Variants in MAP1A observed in about 807,000 individuals in gnomAD.
MAP1A encodes the protein microtubule associated protein 1A.
MAP1A carries 42 observed loss-of-function variants against 185.9 expected under a neutral mutation model. The observed-to-expected ratio is 0.23, with a 90% CI of 0.18 to 0.29. MAP1A has a LOEUF of 0.29. Ranked by LOEUF, MAP1A falls within the 10% of genes least tolerant of loss-of-function variation. MAP1A has a pLI of 1.00. For missense variants in MAP1A, 2,995 were observed against 3,450.4 expected (o/e 0.87, Z 3.31); for synonymous variants, 1,229 against 1,335.9 (o/e 0.92, Z 1.74).
In MAP1A at chr15:43,526,657, T is replaced by C. The variant is rs868708798; in HGVS notation, c.5184T>C (p.Thr1728=). Residue 1728 remains threonine (T), a synonymous_variant, in exon 4 of 6, where the codon ACT becomes ACC. Transcript: ENST00000300231. This position sits in a 1 kb window ranked among gnomAD's most constrained non-coding sequence, Gnocchi z 4.7. The part of the protein sequence containing the change: ...RPHYTEERES[T]FLDEGPDDEQ... ...ACTACACTGAGGAACGGGAAAGCAC[T>C]TTCCTAGATGAGGGCCCAGATGATG... is the stretch of plus-strand genomic sequence containing the variant. The C allele has an allele frequency of 2.5e-6, 4 of 1,614,036 alleles. No homozygotes were observed. Among genetic ancestry groups the C allele is most frequent in the Non-Finnish European group, 1.7e-6 (2 of 1,179,980 alleles).
chr15:43,521,241 A>T lies in MAP1A; in HGVS notation c.-150-83A>T. 4 of 1,481,118 alleles carry T rather than the reference A, an allele frequency of 2.7e-6. No homozygotes were observed. Among genetic ancestry groups the T allele is most frequent in the Non-Finnish European group, 3.6e-6 (4 of 1,120,112 alleles). The allele number at this position is 1,481,118 out of a possible 1,614,324, so 91.7% of individuals were successfully genotyped here. Reference sequence around the variant, plus strand: ...AAAGGTAAGAGTCCACCTTGGAAAGAGGTGAAGATTAGGGTACTGAATCTA... The same window carrying T: ...AAAGGTAAGAGTCCACCTTGGAAAGTGGTGAAGATTAGGGTACTGAATCTA... On this transcript the variant is annotated intron_variant, in intron 3 of 5. Coordinates refer to ENST00000300231, the MANE Select transcript of MAP1A (RefSeq NM_002373.6). The surrounding 1 kb of genome is among the most constrained non-coding windows in gnomAD (Gnocchi z 4.6).
intron 1 of MAP1A, among the ~76,000 whole-genome samples, chr15:43,519,983 G>A (rs1002426040): frequency 6.6e-6 from 1 of 152,236 alleles, no homozygotes; most frequent in African/African-American, 2.4e-5. Flanking sequence ...TTGTGTGCAT[G>A]TGTATTAGTG....
chr15:43,526,511 A>G lies in MAP1A; in HGVS notation c.5038A>G (p.Asn1680Asp). The G allele has an allele frequency of 6.2e-7, 1 of 1,614,130 alleles. No individual in the cohort carries two copies. Residue 1680 changes from asparagine to aspartate, a missense_variant, in exon 4 of 6, where the codon AAT (asparagine) becomes GAT (aspartate). Physicochemically the swap from Asn to Asp is conservative, Grantham distance 23 (BLOSUM62 1). This residue lies in a region of MAP1A where 2,728 missense variants were observed against 2,986.0 expected (regional missense o/e 0.91). Transcript: ENST00000300231. The surrounding 1 kb of genome is among the most constrained non-coding windows in gnomAD (Gnocchi z 4.7). Reference sequence around the variant, plus strand: ...GGAGGACACATCTCCTGAGCAGGACAATAGGTATTGGAGGGGCAGAGAGGA... The same window carrying G: ...GGAGGACACATCTCCTGAGCAGGACGATAGGTATTGGAGGGGCAGAGAGGA... Reference protein sequence around the residue: ...AWEDTSPEQDNRYWRGREDVA... With the variant: ...AWEDTSPEQDDRYWRGREDVA...
In MAP1A at chr15:43,523,205, C is replaced by T; in HGVS notation, c.1732C>T (p.Pro578Ser). 3 of 1,614,142 alleles carry T rather than the reference C, an allele frequency of 1.9e-6. No individual in the cohort carries two copies. Among genetic ancestry groups the T allele is most frequent in the Non-Finnish European group, 2.5e-6 (3 of 1,180,014 alleles). ...AAGTACAGCTATCCAGGGAACACCACCCTCTGTTCCAGGGCTGGGACAAGA... is the reference window on the plus strand; with the variant it reads ...AAGTACAGCTATCCAGGGAACACCATCCTCTGTTCCAGGGCTGGGACAAGA... ...PPSTAIQGTP[P>S]SVPGLGQEEH... The change falls in exon 4 of 6, where the codon CCC becomes TCC. Residue 578 changes from proline to serine, a missense_variant. By Grantham distance (74) the Pro-to-Ser change is moderately conservative. Coordinates refer to ENST00000300231, the MANE Select transcript of MAP1A (RefSeq NM_002373.6).
At position 43,529,911 on chromosome 15, in the gene MAP1A, C is replaced by T. The variant is rs570382566; in HGVS notation, c.8256+41C>T. 1.9e-6 allele frequency: 3 copies of T among 1,593,326 alleles called. No homozygotes were observed. In the African/African-American group the frequency reaches 4.0e-5, roughly 21 times the overall value. ...CACCAAGGAAGTAGTCTGGTCAACG[C>T]TCACTCAGAGGCAGTAGTGGAACAC... On this transcript the variant is annotated intron_variant, in intron 5 of 5. Coordinates refer to ENST00000300231, the MANE Select transcript of MAP1A (RefSeq NM_002373.6). The surrounding 1 kb of genome is among the most constrained non-coding windows in gnomAD (Gnocchi z 4.3).
At chr15:43,520,840 T>C (rs938062850) in intron 2 of MAP1A, 117 bp downstream of exon 2, 2 of 1,305,262 alleles carry the variant, frequency 1.5e-6, no homozygotes, top group African/African-American at 1.5e-5. Context: ...AGCTGACGTA[T>C]TGTCTCCAGC....
intron 1 of MAP1A, among the ~76,000 whole-genome samples, chr15:43,519,243 T>C (rs1280312692): frequency 6.6e-6 from 1 of 152,090 alleles, no homozygotes; most frequent in African/African-American, 2.4e-5. Context: ...TTCCCTCAAT[T>C]CTCAAGTAAA....
chr15:43,525,947 C>G lies in MAP1A; in HGVS notation c.4474C>G (p.Pro1492Ala). 6.2e-7 allele frequency: 1 copy of G among 1,613,954 alleles called. No individual in the cohort carries two copies. Among genetic ancestry groups the G allele is most frequent in the Non-Finnish European group, 8.5e-7 (1 of 1,180,004 alleles). ...DRVLEQKEKIPEEKDKALDQK... is the reference protein window; with the variant it reads ...DRVLEQKEKIAEEKDKALDQK... ...GGTCCTAGAACAGAAGGAGAAGATCCCAGAAGAGAAAGACAAAGCCTTAGA... is the reference window on the plus strand; with the variant it reads ...GGTCCTAGAACAGAAGGAGAAGATCGCAGAAGAGAAAGACAAAGCCTTAGA... The change falls in exon 4 of 6, where the codon CCA (proline) becomes GCA (alanine). Residue 1492 changes from proline to alanine, a missense_variant. Around this residue, in one of 3 missense-constraint regions of MAP1A, gnomAD observed 2,728 missense variants for 2,986.0 expected, o/e 0.91. Transcript: ENST00000300231.
Position 43,521,201 on chromosome 15 carries a change from G to C in MAP1A, c.-151+89G>C. 2.0e-6 allele frequency: 3 copies of C among 1,474,316 alleles called. No homozygotes were observed. Among genetic ancestry groups the C allele is most frequent in the Non-Finnish European group, 2.7e-6 (3 of 1,115,434 alleles). 91.3% of individuals were successfully genotyped at this position (1,474,316 alleles called of 1,614,324 possible). A position where few individuals can be genotyped will look rare whatever the true frequency, so the allele number is the denominator to read the frequency against. On this transcript the variant is annotated intron_variant, in intron 3 of 5. Coordinates refer to ENST00000300231, the MANE Select transcript of MAP1A (RefSeq NM_002373.6). The surrounding 1 kb of genome is among the most constrained non-coding windows in gnomAD (Gnocchi z 4.6). Reference sequence around the variant, plus strand: ...GGAAAGTCTCATATTGCATGACCATGGGGGGCCCTGGCAGAAAGGTAAGAG... The same window carrying C: ...GGAAAGTCTCATATTGCATGACCATCGGGGGCCCTGGCAGAAAGGTAAGAG...
upstream of MAP1A, among the ~76,000 whole-genome samples, chr15:43,512,617 G>A (rs373012482): frequency 2.6e-5 from 4 of 152,274 alleles, no homozygotes; most frequent in African/African-American, 7.2e-5. Flanking sequence ...CTCTTCATTT[G>A]TGTTCCCCTT....
chr15:43,521,358 T>C lies in MAP1A; in HGVS notation c.-116T>C. 6.2e-7 allele frequency: 1 copy of C among 1,613,254 alleles called. No homozygotes were observed. Among genetic ancestry groups the C allele is most frequent in the Non-Finnish European group, 8.5e-7 (1 of 1,179,800 alleles). Reference sequence around the variant, plus strand: ...TTGCTCAGCAATAGAGACCCTGGGATACAGGCCTTCCTTACCGTGTCCTGC... The same window carrying C: ...TTGCTCAGCAATAGAGACCCTGGGACACAGGCCTTCCTTACCGTGTCCTGC... On this transcript the variant is annotated 5_prime_UTR_variant, in exon 4 of 6. Coordinates refer to ENST00000300231, the MANE Select transcript of MAP1A (RefSeq NM_002373.6). This position sits in a 1 kb window ranked among gnomAD's most constrained non-coding sequence, Gnocchi z 4.6.
rs1187286970 is a variant in MAP1A at position 43,522,845 on chromosome 15, A to C, written c.1372A>C (p.Lys458Gln). ...KRKDTKPELK[K>Q]ISKPDLKPFT... Reference sequence around the variant, plus strand: ...GAAAGATACCAAACCTGAGCTCAAGAAGATTTCCAAGCCAGACCTAAAGCC... The same window carrying C: ...GAAAGATACCAAACCTGAGCTCAAGCAGATTTCCAAGCCAGACCTAAAGCC... The change falls in exon 4 of 6, where the codon AAG becomes CAG. Residue 458 changes from lysine (K) to glutamine (Q), a missense_variant. By Grantham distance (53) the Lys-to-Gln change is moderately conservative (BLOSUM62 1). Around this residue, in one of 3 missense-constraint regions of MAP1A, gnomAD observed 2,728 missense variants for 2,986.0 expected, o/e 0.91. Coordinates refer to ENST00000300231, the MANE Select transcript of MAP1A (RefSeq NM_002373.6). The surrounding 1 kb of genome is among the most constrained non-coding windows in gnomAD (Gnocchi z 5.9). The C allele has an allele frequency of 6.2e-7, 1 of 1,602,678 alleles. No individual in the cohort carries two copies. Among genetic ancestry groups the C allele is most frequent in the Non-Finnish European group, 8.5e-7 (1 of 1,173,814 alleles).
At position 43,527,258 on chromosome 15, in the gene MAP1A, T is replaced by A; in HGVS notation, c.5785T>A (p.Ser1929Thr). Residue 1929 changes from serine to threonine, a missense_variant, in exon 4 of 6, where the codon TCA becomes ACA. Around this residue, in one of 3 missense-constraint regions of MAP1A, gnomAD observed 2,728 missense variants for 2,986.0 expected, o/e 0.91. Transcript: ENST00000300231. ...TAGGGCTGAGGCTCCTGACAAAAGC[T>A]CACACAGCTCAAAGGTACCAGAGGC... is the stretch of plus-strand genomic sequence containing the variant. ...EGRAEAPDKS[S>T]HSSKVPEASK... 2 of 1,614,016 alleles carry A rather than the reference T, an allele frequency of 1.2e-6. No individual in the cohort carries two copies. Among genetic ancestry groups the A allele is most frequent in the Non-Finnish European group, 1.7e-6 (2 of 1,179,972 alleles).
upstream of MAP1A, among the ~76,000 whole-genome samples, chr15:43,513,415 A>G (rs1289684886): frequency 6.6e-6 from 1 of 152,222 alleles, no homozygotes; most frequent in Admixed American, 6.5e-5. Flanking sequence ...TTAGTGGAAT[A>G]TAAAATCCAT....
At chr15:43,516,164 T>A (rs2079296473), upstream of MAP1A, among the ~76,000 whole-genome samples, 1 of 152,188 alleles carries the variant, frequency 6.6e-6, no homozygotes, top group Non-Finnish European at 1.5e-5. Flanking sequence ...CCTTTTGTGA[T>A]GCTCAGAACT....
At position 43,524,364 on chromosome 15, in the gene MAP1A, G is replaced by C; in HGVS notation, c.2891G>C (p.Ser964Thr). 1.2e-6 allele frequency: 2 copies of C among 1,614,204 alleles called. No individual in the cohort carries two copies. The highest frequency in any genetic ancestry group is 1.7e-6 in the Non-Finnish European group (2 of 1,180,026). ...LCSQYGTPVF[S>T]APGHALHPGE... ...AGTCAATATGGAACTCCAGTGTTTA[G>C]TGCCCCTGGGCATGCCCTACATCCA... Residue 964 changes from serine to threonine, a missense_variant, in exon 4 of 6, where the codon AGT becomes ACT. Ser to Thr is a moderately conservative substitution (Grantham distance 58). This residue lies in a region of MAP1A where 2,728 missense variants were observed against 2,986.0 expected (regional missense o/e 0.91). Coordinates refer to ENST00000300231, the MANE Select transcript of MAP1A (RefSeq NM_002373.6).
At chr15:43,512,373 G>T in intron 2 of MAP1A, 2 of 1,033,440 alleles carry the variant, frequency 1.9e-6, no homozygotes, top group South Asian at 1.4e-5. Flanking sequence ...GTGGCCTTGC[G>T]GGAGGTTTGA....
chr15:43,520,701 G>C lies in MAP1A; in HGVS notation c.-314G>C. On this transcript the variant is annotated 5_prime_UTR_variant, in exon 2 of 6. Coordinates refer to ENST00000300231, the MANE Select transcript of MAP1A (RefSeq NM_002373.6). ...GAGACCATCATCCTGGTAAATCCCA[G>C]TGCAGACAGCATCAGCTCTGAGGTA... The C allele has an allele frequency of 6.5e-7, 1 of 1,550,382 alleles. No homozygotes were observed. The highest frequency in any genetic ancestry group is 8.7e-7 in the Non-Finnish European group (1 of 1,146,630).
chr15:43,511,073 C>G, exon 1 of MAP1A: 1 of 1,549,784 alleles, frequency 6.5e-7, no homozygotes, highest in Non-Finnish European at 8.7e-7. Context: ...TCCCGGCGCA[C>G]CGCTGGCTCA....
Sources: allele counts gnomAD v4.1 joint callset (sites outside exome capture counted in the v4.1 genomes callset), GRCh38; gene constraint gnomAD v4.1.1; regional missense constraint gnomAD v4.1.1; non-coding constraint Gnocchi (gnomAD v3.1); transcripts MANE v1.5; gene names NCBI Gene and HGNC (gene_info 2026-07-23, HGNC 2026-07-21).